PRKCB: variants seen among roughly 807,000 people sequenced by gnomAD.
PRKCB encodes protein kinase C beta.
PRKCB carries 13 observed loss-of-function variants against 81.5 expected under a neutral mutation model. That is an observed-to-expected ratio of 0.16 (90% CI 0.10 to 0.25). The LOEUF (loss-of-function observed/expected upper bound fraction) is 0.25, where lower values mean the gene tolerates loss of function less well. PRKCB is among the 10% of genes least tolerant of loss of function. The pLI, the probability that PRKCB is intolerant of heterozygous loss-of-function variation, is 1.00. For missense variants in PRKCB, 509 were observed against 875.7 expected (o/e 0.58, Z 5.29); for synonymous variants, 335 against 321.4 (o/e 1.04, Z -0.45).
At chr16:23,913,902 C>A (rs1963698778) in intron 2 of PRKCB, among the ~76,000 whole-genome samples, 1 of 152,252 alleles carries the variant, frequency 6.6e-6, no homozygotes, top group Admixed American at 6.5e-5. Flanking sequence ...AAGCTGTGCC[C>A]CCTGTGTGCC....
intron 16 of PRKCB, among the ~76,000 whole-genome samples, chr16:24,195,566 T>C (rs1213531382): frequency 1.3e-5 from 2 of 152,242 alleles, no homozygotes; most frequent in African/African-American, 4.8e-5. Flanking sequence ...AAATGGGTTT[T>C]TCTAAGTTGT....
intron 2 of PRKCB, among the ~76,000 whole-genome samples, chr16:23,921,674 A>G (rs899936672): frequency 6.6e-6 from 1 of 152,136 alleles, no homozygotes; most frequent in Non-Finnish European, 1.5e-5. Context: ...GGCGGCACCC[A>G]TCTGTCATCC....
intron 2 of PRKCB, among the ~76,000 whole-genome samples, chr16:23,846,476 G>A (rs1962369756): frequency 1.3e-5 from 2 of 151,808 alleles, no homozygotes; most frequent in Admixed American, 6.6e-5. Flanking sequence ...CAGGTGTGGT[G>A]GCATGTGCTT....
At chr16:24,071,436 TAAAAAAAAAA>T (rs398042091) in intron 5 of PRKCB, among the ~76,000 whole-genome samples, 2 of 57,276 alleles carry the variant, frequency 3.5e-5, no homozygotes, top group African/African-American at 1.2e-4. Flanking sequence ...AGACCCTGTC[TAAAAAAAAAA>T]AAAAAAAAAA....
intron 14 of PRKCB, 95 bp downstream of exon 14, chr16:24,185,286 A>C (rs1967685930): frequency 1.5e-6 from 2 of 1,330,324 alleles, no homozygotes; most frequent in Non-Finnish European, 2.1e-6. Flanking sequence ...CAGCTCATAA[A>C]TTGGAACCTC....
intron 5 of PRKCB, among the ~76,000 whole-genome samples, chr16:24,052,440 A>G (rs1032442211): frequency 1.3e-5 from 2 of 152,224 alleles, no homozygotes; most frequent in African/African-American, 4.8e-5. Flanking sequence ...TTACTAAGAA[A>G]GTAAAGGAAT....
At chr16:23,991,563 A>G (rs1288581473) in intron 3 of PRKCB, among the ~76,000 whole-genome samples, 1 of 152,234 alleles carries the variant, frequency 6.6e-6, no homozygotes, top group African/African-American at 2.4e-5. Flanking sequence ...TGCCTAAGAC[A>G]GAAACTCAGC....
chr16:23,933,805 TCCAC>T (rs1000459376), intron 2 of PRKCB, among the ~76,000 whole-genome samples: 3 of 139,968 alleles, frequency 2.1e-5, no homozygotes, highest in Admixed American at 2.1e-4. Flanking sequence ...CATCCATCCA[TCCAC>T]CCATCCATCC....
intron 10 of PRKCB, among the ~76,000 whole-genome samples, chr16:24,163,091 G>A (rs1179381180): frequency 6.6e-6 from 1 of 152,200 alleles, no homozygotes. Flanking sequence ...TCCTGGGAAA[G>A]AGAATCTGGT....
intron 5 of PRKCB, among the ~76,000 whole-genome samples, chr16:24,079,952 T>C (rs997629884): frequency 6.6e-6 from 1 of 152,356 alleles, no homozygotes; most frequent in Admixed American, 6.5e-5. Context: ...ATTTTGTCAG[T>C]CGCCTTTTTC....
At chr16:23,898,469 A>G (rs189414001) in intron 2 of PRKCB, among the ~76,000 whole-genome samples, 4 of 152,038 alleles carry the variant, frequency 2.6e-5, no homozygotes, top group Non-Finnish European at 4.4e-5. Context: ...AGAGCTTGCC[A>G]TCTAGTAGGG....
chr16:23,855,390 C>A (rs373758511), intron 2 of PRKCB, among the ~76,000 whole-genome samples: 20 of 152,106 alleles, frequency 1.3e-4, no homozygotes, highest in Non-Finnish European at 5.9e-5. Flanking sequence ...CAGAGCCTAC[C>A]TCCCAGAGTT....
chr16:24,097,258 G>T (rs997122943), intron 7 of PRKCB, among the ~76,000 whole-genome samples: 1 of 151,426 alleles, frequency 6.6e-6, no homozygotes, highest in African/African-American at 2.4e-5. Context: ...GGATGATCTC[G>T]ATCTCCTGAC....
intron 3 of PRKCB, among the ~76,000 whole-genome samples, chr16:24,020,236 G>T (rs76402760): frequency 0.025 from 3,736 of 152,228 alleles, 57 homozygotes; most frequent in Middle Eastern, 0.058. Flanking sequence ...AAGGCAGTTT[G>T]CATATTGATC....
chr16:24,090,705 T>C (rs749026497), intron 5 of PRKCB, among the ~76,000 whole-genome samples: 5 of 152,146 alleles, frequency 3.3e-5, no homozygotes, highest in Admixed American at 2.0e-4. Context: ...AGTAGAATAA[T>C]AGAACTAATG....
chr16:24,121,004 A>G (rs1966793497), intron 8 of PRKCB, among the ~76,000 whole-genome samples: 2 of 152,224 alleles, frequency 1.3e-5, no homozygotes, highest in Admixed American at 1.3e-4. Flanking sequence ...ATGTATGGTC[A>G]TACCATAGCC....
At chr16:23,855,562 CTTTA>C (rs1962550885) in intron 2 of PRKCB, among the ~76,000 whole-genome samples, 1 of 152,136 alleles carries the variant, frequency 6.6e-6, no homozygotes, top group African/African-American at 2.4e-5. Flanking sequence ...AAGACCTCAT[CTTTA>C]TTTAGTTCTT....
At chr16:23,988,454 C>A in intron 2 of PRKCB, 54 bp from the exon 3 acceptor site, 1 of 1,440,670 alleles carries the variant, frequency 6.9e-7, no homozygotes, top group Non-Finnish European at 9.8e-7. Flanking sequence ...CTCTCTCTTC[C>A]TCCTCTCCGC....
intron 2 of PRKCB, among the ~76,000 whole-genome samples, chr16:23,911,577 T>A (rs1963653702): frequency 6.6e-6 from 1 of 152,150 alleles, no homozygotes; most frequent in South Asian, 2.1e-4. Context: ...AAGAAAACTA[T>A]TAATCATATT....
Sources: allele counts gnomAD v4.1 joint callset (sites outside exome capture counted in the v4.1 genomes callset), GRCh38; gene constraint gnomAD v4.1.1; transcripts MANE v1.5; gene names NCBI Gene and HGNC (gene_info 2026-07-23, HGNC 2026-07-21).